RBFOX1: variants seen among roughly 807,000 people sequenced by gnomAD.
RBFOX1 encodes RNA binding fox-1 homolog 1, also known as RNA binding protein fox-1 homolog 1.
In RBFOX1, 8 loss-of-function variants were observed where a neutral mutation model predicts 57.7. That is an observed-to-expected ratio of 0.14 (90% confidence interval 0.08 to 0.25). The LOEUF (loss-of-function observed/expected upper bound fraction) is 0.25, where lower values mean the gene tolerates loss of function less well. Among genes scored for constraint, RBFOX1 ranks in the 10% least tolerant of loss-of-function variants. The probability of loss-of-function intolerance (pLI) is 1.00; values close to 1 mark genes in which losing one functional copy is unlikely to be tolerated. For missense variants in RBFOX1, 611 were observed against 548.5 expected, an observed-to-expected ratio of 1.11 and a Z score of -1.14; for synonymous variants, 326 against 222.4, an observed-to-expected ratio of 1.47 and a Z score of -4.15.
At chr16:7,424,355 G>C (rs537944877) in intron 4 of RBFOX1, among the ~76,000 whole-genome samples, 5 of 152,232 alleles carry the variant, frequency 3.3e-5, no homozygotes, top group South Asian at 2.1e-4. Context: ...TGCATCCCAG[G>C]TTCAAGCGAT....
intron 3 of RBFOX1, among the ~76,000 whole-genome samples, chr16:7,019,388 A>G (rs1393796764): frequency 6.6e-6 from 1 of 152,078 alleles, no homozygotes; most frequent in Non-Finnish European, 1.5e-5. Flanking sequence ...TCATGAAAGT[A>G]TGTGTGTGTT....
intron 4 of RBFOX1, among the ~76,000 whole-genome samples, chr16:7,164,853 A>C (rs774024050): frequency 1.5e-4 from 23 of 152,150 alleles, no homozygotes; most frequent in Non-Finnish European, 2.5e-4. Context: ...ATTGTCAGGT[A>C]ACTGCAGGAG....
chr16:6,192,461 C>T (rs1395448371), intron 1 of RBFOX1, among the ~76,000 whole-genome samples: 1 of 151,970 alleles, frequency 6.6e-6, no homozygotes, highest in Non-Finnish European at 1.5e-5. Context: ...TTCTTCCTTC[C>T]CTCTCCATTT....
intron 1 of RBFOX1, among the ~76,000 whole-genome samples, chr16:6,248,720 T>C (rs567872631): frequency 3.9e-5 from 6 of 152,272 alleles, no homozygotes; most frequent in South Asian, 2.1e-4. Flanking sequence ...GGTTTTATAA[T>C]TGGGCTTCCG....
At chr16:6,482,892 G>A (rs942279024) in intron 2 of RBFOX1, among the ~76,000 whole-genome samples, 4 of 152,212 alleles carry the variant, frequency 2.6e-5, no homozygotes, top group Admixed American at 2.6e-4. Context: ...GCTTATATCC[G>A]CCTTTAGACA....
At chr16:7,653,318 A>G (rs947553658) in intron 11 of RBFOX1, among the ~76,000 whole-genome samples, 1 of 152,140 alleles carries the variant, frequency 6.6e-6, no homozygotes, top group African/African-American at 2.4e-5. Flanking sequence ...CGGGGCAACA[A>G]AGGGAGATCC....
chr16:6,324,867 G>A lies in RBFOX1; in HGVS notation c.-64+7810G>A, dbSNP rs111515009. On this transcript the variant is annotated intron_variant, in intron 2 of 15. Transcript: ENST00000550418. ...AGCAAGACAGAGATGGATAAGTTAC[G>A]ACCAGAAGCAGTCAGTCCCTCCCTG... 7.5e-3 allele frequency among the ~76,000 whole-genome samples: 1,138 copies of A among 152,266 alleles called. 10 individuals are homozygous for A. The highest frequency in any genetic ancestry group is 0.024 in the African/African-American group (1,001 of 41,566).
chr16:5,297,112 C>T (rs1194244383), intron 1 of RBFOX1, among the ~76,000 whole-genome samples: 1 of 152,142 alleles, frequency 6.6e-6, no homozygotes, highest in Non-Finnish European at 1.5e-5. Flanking sequence ...TTTTTAAAGG[C>T]TGAGTGGTAT....
chr16:5,559,163 GGC>G (rs1484959758), intron 2 of RBFOX1, among the ~76,000 whole-genome samples: 32 of 68,610 alleles, frequency 4.7e-4, no homozygotes, highest in African/African-American at 2.2e-3. Flanking sequence ...AACCCCCCCA[GGC>G]AAAAAAAAAA....
At chr16:6,450,874 T>TTC (rs2094606495) in intron 2 of RBFOX1, among the ~76,000 whole-genome samples, 1 of 104,018 alleles carries the variant, frequency 9.6e-6, no homozygotes, top group South Asian at 2.9e-4. Flanking sequence ...TATATATATA[T>TTC]CTCCTCTGAA....
At chr16:6,971,794 GT>G (rs1309478162) in intron 3 of RBFOX1, among the ~76,000 whole-genome samples, 2 of 152,178 alleles carry the variant, frequency 1.3e-5, no homozygotes, top group Non-Finnish European at 2.9e-5. Flanking sequence ...CTTCTGTTGG[GT>G]GTGGAGGGCG....
At chr16:5,887,977 C>T (rs116726685) in intron 4 of RBFOX1, among the ~76,000 whole-genome samples, 1 of 152,180 alleles carries the variant, frequency 6.6e-6, no homozygotes, top group Non-Finnish European at 1.5e-5. Context: ...ACAAGACGAG[C>T]AAGGTCCTGC....
At chr16:7,666,183 A>G (rs1271155143) in intron 13 of RBFOX1, among the ~76,000 whole-genome samples, 1 of 152,132 alleles carries the variant, frequency 6.6e-6, no homozygotes, top group Non-Finnish European at 1.5e-5. Flanking sequence ...TCATTTCCTC[A>G]GGCACCTGCT....
intron 4 of RBFOX1, among the ~76,000 whole-genome samples, chr16:5,982,573 G>T (rs2060196099): frequency 6.6e-6 from 1 of 152,168 alleles, no homozygotes. Flanking sequence ...ACTGTGCCCA[G>T]CCTGCACATG....
chr16:7,334,198 C>A (rs576327391), intron 4 of RBFOX1, among the ~76,000 whole-genome samples: 2 of 152,194 alleles, frequency 1.3e-5, no homozygotes, highest in East Asian at 3.9e-4. Flanking sequence ...GGGGGTGATT[C>A]CAAGTCACAA....
intron 1 of RBFOX1, among the ~76,000 whole-genome samples, chr16:6,218,961 C>T (rs1294177779): frequency 1.3e-5 from 2 of 151,902 alleles, no homozygotes; most frequent in African/African-American, 2.4e-5. Context: ...AACATAAAAG[C>T]ATAATAGTCA....
chr16:5,306,159 C>A (rs1293596422), intron 1 of RBFOX1, among the ~76,000 whole-genome samples: 1 of 152,124 alleles, frequency 6.6e-6, no homozygotes, highest in Non-Finnish European at 1.5e-5. Flanking sequence ...CAAGGTCATG[C>A]CATTGCACTC....
At chr16:7,155,595 GAA>G (rs57504385) in intron 4 of RBFOX1, among the ~76,000 whole-genome samples, 3,865 of 121,190 alleles carry the variant, frequency 0.032, 188 homozygotes, top group African/African-American at 0.11. Context: ...GCACTTGTCT[GAA>G]AAAAAAAAAA....
intron 4 of RBFOX1, among the ~76,000 whole-genome samples, chr16:5,905,749 A>C (rs1289216511): frequency 7.2e-5 from 11 of 152,134 alleles, no homozygotes. Flanking sequence ...AGGACTCAGA[A>C]GTACCCAACC....
Sources: allele counts gnomAD v4.1 joint callset (sites outside exome capture counted in the v4.1 genomes callset), GRCh38; gene constraint gnomAD v4.1.1; transcripts MANE v1.5; gene names NCBI Gene and HGNC (gene_info 2026-07-23, HGNC 2026-07-21).